The following CTNNA3 variants were observed in gnomAD, a reference collection of about 807,000 sequenced individuals.
CTNNA3 encodes catenin alpha-3.
Under a neutral mutation model 95.7 loss-of-function variants are expected in CTNNA3, and 76 were observed. The ratio of observed to expected loss-of-function variants is 0.79; its 90% CI spans 0.66 to 0.96. The LOEUF is 0.96. Among genes scored for constraint, CTNNA3 ranks in the 40% least tolerant of loss-of-function variants. CTNNA3 has a pLI of 0.00. For synonymous variants in CTNNA3, 431 were observed against 374.4 expected (o/e 1.15, Z -1.74); for missense variants, 1,191 against 1,089.8 (o/e 1.09, Z -1.31).
At chr10:66,634,025 G>C (rs1845249254) in intron 9 of CTNNA3, among the ~76,000 whole-genome samples, 1 of 152,128 alleles carries the variant, frequency 6.6e-6, no homozygotes, top group Non-Finnish European at 1.5e-5. Context: ...TATGCATATG[G>C]AAATGTGATA....
chr10:67,463,347 C>A (rs772754801), intron 5 of CTNNA3, among the ~76,000 whole-genome samples: 22 of 152,118 alleles, frequency 1.4e-4, no homozygotes, highest in Non-Finnish European at 2.4e-4. Context: ...CATCAGTTTT[C>A]TTGGCAAAAG....
chr10:67,252,929 CA>C (rs1435577869), intron 5 of CTNNA3, among the ~76,000 whole-genome samples: 1 of 152,120 alleles, frequency 6.6e-6, no homozygotes, highest in African/African-American at 2.4e-5. Flanking sequence ...GTATGACAAC[CA>C]AACTAGAATT....
intron 13 of CTNNA3, among the ~76,000 whole-genome samples, chr10:66,171,527 T>C (rs1249277436): frequency 6.8e-6 from 1 of 148,026 alleles, no homozygotes; most frequent in Non-Finnish European, 1.5e-5. Context: ...GCCTGGGTGA[T>C]AGAGCAAGAC....
Position 67,606,956 on chromosome 10 carries a change from C to G in CTNNA3, c.193G>C (p.Ala65Pro). ...CCCTTGTCTAATAAATTCCAAGTTG[C>G]TTCCTCCACAGAAGCTAGAAGGACA... ...ASVLLASVEE[A>P]TWNLLDKGEK... The change falls in exon 3 of 18, where the codon GCA becomes CCA. Residue 65 changes from alanine to proline, a missense_variant. Transcript: ENST00000433211. The G allele has an allele frequency of 1.9e-6, 3 of 1,614,052 alleles. No homozygotes were observed. Among genetic ancestry groups the G allele is most frequent in the Non-Finnish European group, 2.5e-6 (3 of 1,179,886 alleles).
At chr10:66,876,841 G>T (rs998518716) in intron 7 of CTNNA3, among the ~76,000 whole-genome samples, 11 of 152,124 alleles carry the variant, frequency 7.2e-5, no homozygotes, top group Admixed American at 2.0e-4. Flanking sequence ...GGAGGAAAAA[G>T]GTAACTTATA....
At chr10:66,539,273 G>T (rs1405183925) in intron 10 of CTNNA3, among the ~76,000 whole-genome samples, 1 of 152,124 alleles carries the variant, frequency 6.6e-6, no homozygotes, top group Non-Finnish European at 1.5e-5. Context: ...AGAGGGGCAG[G>T]TGAGCAGGAA....
At chr10:66,597,507 CATACATATATATAT>C (rs1168645149) in intron 10 of CTNNA3, among the ~76,000 whole-genome samples, 5 of 79,616 alleles carry the variant, frequency 6.3e-5, no homozygotes, top group African/African-American at 9.7e-5. Flanking sequence ...CATTTTATTT[CATACATATATATAT>C]ATATATATAT....
chr10:66,264,395 A>G (rs72799133), intron 13 of CTNNA3, among the ~76,000 whole-genome samples: 6,915 of 152,036 alleles, frequency 0.045, 277 homozygotes, highest in African/African-American at 0.1. Flanking sequence ...CTCTTCTGCA[A>G]TTCTCTAGTG....
At chr10:67,584,634 G>C (rs544523339) in intron 3 of CTNNA3, among the ~76,000 whole-genome samples, 1 of 152,322 alleles carries the variant, frequency 6.6e-6, no homozygotes, top group East Asian at 1.9e-4. Flanking sequence ...AGTTTCTGCT[G>C]CCTTTTGTTC....
At chr10:66,235,712 C>T (rs980203928) in intron 13 of CTNNA3, among the ~76,000 whole-genome samples, 1 of 151,964 alleles carries the variant, frequency 6.6e-6, no homozygotes. Context: ...ATGAACATAT[C>T]CGATATTGGA....
At chr10:67,322,748 A>G (rs777511624) in intron 5 of CTNNA3, among the ~76,000 whole-genome samples, 13 of 152,200 alleles carry the variant, frequency 8.5e-5, no homozygotes, top group Non-Finnish European at 1.6e-4. Flanking sequence ...CAGTATTTGA[A>G]TTGCTGGATC....
At chr10:66,639,771 C>A (rs1394825139) in intron 9 of CTNNA3, among the ~76,000 whole-genome samples, 1 of 152,090 alleles carries the variant, frequency 6.6e-6, no homozygotes, top group East Asian at 1.9e-4. Context: ...CATTCTAATA[C>A]TGTGTGTCCT....
intron 3 of CTNNA3, among the ~76,000 whole-genome samples, chr10:67,569,899 G>C (rs1309675762): frequency 1.3e-5 from 2 of 152,038 alleles, no homozygotes; most frequent in African/African-American, 4.8e-5. Flanking sequence ...CTCTTCTCGA[G>C]AGACTTTTAT....
chr10:66,773,439 C>A (rs530551478), intron 8 of CTNNA3, among the ~76,000 whole-genome samples: 1 of 152,284 alleles, frequency 6.6e-6, no homozygotes, highest in African/African-American at 2.4e-5. Context: ...GGCTACCCTG[C>A]TAGAGATTGA....
chr10:67,204,254 G>T (rs1863785867), intron 6 of CTNNA3, among the ~76,000 whole-genome samples: 1 of 152,108 alleles, frequency 6.6e-6, no homozygotes, highest in Admixed American at 6.6e-5. Context: ...GGGCTTGGCG[G>T]GAGGTGATTA....
chr10:66,110,698 T>G (rs2082090410), intron 13 of CTNNA3, among the ~76,000 whole-genome samples: 1 of 152,216 alleles, frequency 6.6e-6, no homozygotes, highest in Admixed American at 6.5e-5. Flanking sequence ...TTTGCTTGAT[T>G]ATATAATCAA....
chr10:67,284,152 T>C (rs1036930032), intron 5 of CTNNA3, among the ~76,000 whole-genome samples: 3 of 152,186 alleles, frequency 2.0e-5, no homozygotes, highest in Admixed American at 6.5e-5. Context: ...ACAAAAATCA[T>C]TGTTCTTGTA....
At chr10:66,167,017 G>A (rs2085165874) in intron 13 of CTNNA3, among the ~76,000 whole-genome samples, 2 of 152,104 alleles carry the variant, frequency 1.3e-5, no homozygotes, top group African/African-American at 4.8e-5. Flanking sequence ...TGGAAAGTAA[G>A]GCAGAGCAAT....
chr10:66,347,929 T>G (rs1397261911), intron 12 of CTNNA3, among the ~76,000 whole-genome samples: 1 of 152,240 alleles, frequency 6.6e-6, no homozygotes, highest in Admixed American at 6.5e-5. Context: ...AGCTAGGAAC[T>G]TTCTGAAACT....
Sources: allele counts gnomAD v4.1 joint callset (sites outside exome capture counted in the v4.1 genomes callset), GRCh38; gene constraint gnomAD v4.1.1; transcripts MANE v1.5; gene names NCBI Gene and HGNC (gene_info 2026-07-23, HGNC 2026-07-21).